Variants in GABBR2 observed in about 807,000 individuals in gnomAD.
The protein encoded by GABBR2 is G-protein coupled receptor 51.
A neutral mutation model predicts 105.6 loss-of-function variants in GABBR2; 23 were observed. The ratio of observed to expected loss-of-function variants is 0.22; its 90% CI spans 0.16 to 0.31. The LOEUF is 0.31. GABBR2 is among the 10% of genes least tolerant of loss of function. The pLI is 1.00. For synonymous variants in GABBR2, 478 were observed against 499.7 expected (o/e 0.96, Z 0.58); for missense variants, 734 against 1,245.5 (o/e 0.59, Z 6.18).
At chr9:98,375,919 T>C (rs1388548607) in intron 11 of GABBR2, among the ~76,000 whole-genome samples, 2 of 152,216 alleles carry the variant, frequency 1.3e-5, no homozygotes, top group Admixed American at 1.3e-4. Flanking sequence ...TTACCACCAA[T>C]ACAAGTCTCT....
intron 17 of GABBR2, among the ~76,000 whole-genome samples, chr9:98,298,293 T>C (rs1830414128): frequency 6.6e-6 from 1 of 152,196 alleles, no homozygotes; most frequent in Non-Finnish European, 1.5e-5. Flanking sequence ...TTTTAATAGC[T>C]ATAAAATGTG....
intron 1 of GABBR2, among the ~76,000 whole-genome samples, chr9:98,676,963 C>A (rs1437233987): frequency 6.6e-6 from 1 of 152,178 alleles, no homozygotes; most frequent in African/African-American, 2.4e-5. Context: ...TCTGTGGGCA[C>A]AGAAGTCTCT....
intron 2 of GABBR2, among the ~76,000 whole-genome samples, chr9:98,553,080 C>T (rs904965137): frequency 6.6e-5 from 10 of 151,700 alleles, no homozygotes; most frequent in Non-Finnish European, 1.0e-4. Context: ...ACAGGGGTCT[C>T]GCTATTTTGC....
chr9:98,324,481 G>C (rs1049269152), intron 13 of GABBR2, among the ~76,000 whole-genome samples: 15 of 142,316 alleles, frequency 1.1e-4, no homozygotes, highest in African/African-American at 4.0e-4. Context: ...TAAGACAAAA[G>C]ACTACAGAGC....
At chr9:98,602,836 C>T (rs1465783127) in intron 1 of GABBR2, among the ~76,000 whole-genome samples, 3 of 152,220 alleles carry the variant, frequency 2.0e-5, no homozygotes, top group African/African-American at 7.2e-5. Flanking sequence ...TCACTGGATT[C>T]CACAACGTGG....
At chr9:98,655,839 A>G (rs1294433914) in intron 1 of GABBR2, among the ~76,000 whole-genome samples, 1 of 152,094 alleles carries the variant, frequency 6.6e-6, no homozygotes, top group Non-Finnish European at 1.5e-5. Context: ...CCTTTTGGGG[A>G]TGGGGGGCTA....
At position 98,673,221 on chromosome 9, in the gene GABBR2, C is replaced by T. The variant is rs183723258; in HGVS notation, c.321+35196G>A. On this transcript the variant is annotated intron_variant, in intron 1 of 18. Transcript: ENST00000259455. ...TGTGCATCTTAGAATCAAGAAGACC[C>T]GGTGCATATAGAGAGGCAAAAGGAA... Among the ~76,000 whole-genome samples the T allele has an allele frequency of 3.5e-4, 53 of 152,164 alleles. 3 individuals carry two copies. The South Asian group carries it at 8.3e-3, about 24-fold the overall frequency.
At chr9:98,318,028 C>T (rs183966111) in intron 13 of GABBR2, among the ~76,000 whole-genome samples, 3 of 152,200 alleles carry the variant, frequency 2.0e-5, no homozygotes, top group East Asian at 1.9e-4. Flanking sequence ...GGGAAGAGCA[C>T]GCATGGCAGA....
At chr9:98,587,930 C>A (rs141122280) in intron 1 of GABBR2, among the ~76,000 whole-genome samples, 6 of 152,210 alleles carry the variant, frequency 3.9e-5, no homozygotes, top group African/African-American at 1.4e-4. Context: ...ATAATGATCT[C>A]ATTTTATAAA....
chr9:98,705,751 T>C (rs776951940), intron 1 of GABBR2, among the ~76,000 whole-genome samples: 1 of 152,176 alleles, frequency 6.6e-6, no homozygotes, highest in African/African-American at 2.4e-5. Flanking sequence ...ACTTTAAAGA[T>C]AAGGCCACTT....
intron 1 of GABBR2, among the ~76,000 whole-genome samples, chr9:98,632,509 G>A (rs1222716477): frequency 1.3e-5 from 2 of 152,174 alleles, no homozygotes; most frequent in Non-Finnish European, 2.9e-5. Flanking sequence ...TCAATATTGA[G>A]TATGGTGAGA....
intron 13 of GABBR2, among the ~76,000 whole-genome samples, chr9:98,359,512 A>T (rs1203702486): frequency 1.3e-5 from 2 of 152,228 alleles, no homozygotes; most frequent in Non-Finnish European, 2.9e-5. Flanking sequence ...GGCTGCCCCC[A>T]GTAGGCCTCT....
At chr9:98,373,106 G>A (rs968078632) in intron 11 of GABBR2, among the ~76,000 whole-genome samples, 1 of 152,060 alleles carries the variant, frequency 6.6e-6, no homozygotes, top group Non-Finnish European at 1.5e-5. Context: ...ACAAAACAGG[G>A]AGGGGGAAAG....
At chr9:98,576,525 A>G (rs541748355) in intron 2 of GABBR2, among the ~76,000 whole-genome samples, 1 of 152,232 alleles carries the variant, frequency 6.6e-6, no homozygotes, top group East Asian at 1.9e-4. Flanking sequence ...CTACAGTCTT[A>G]TCTTAAGGGC....
At chr9:98,569,784 G>T (rs988661096) in intron 2 of GABBR2, among the ~76,000 whole-genome samples, 13 of 152,094 alleles carry the variant, frequency 8.5e-5, no homozygotes, top group Admixed American at 2.6e-4. Flanking sequence ...TACGACCTCT[G>T]CCATTCCATG....
At chr9:98,359,774 C>T (rs566540360) in intron 13 of GABBR2, among the ~76,000 whole-genome samples, 37 of 152,304 alleles carry the variant, frequency 2.4e-4, no homozygotes, top group African/African-American at 8.2e-4. Flanking sequence ...CCGGCCGTGG[C>T]GTGCTTGCTG....
intron 8 of GABBR2, among the ~76,000 whole-genome samples, chr9:98,400,794 G>A (rs1191162394): frequency 6.6e-6 from 1 of 152,178 alleles, no homozygotes; most frequent in Admixed American, 6.5e-5. Flanking sequence ...TAAGCCAGTG[G>A]CACTGATGTA....
intron 7 of GABBR2, among the ~76,000 whole-genome samples, chr9:98,421,344 C>T (rs963065064): frequency 5.3e-5 from 8 of 150,032 alleles, no homozygotes; most frequent in South Asian, 2.1e-4. Flanking sequence ...GTGTAAAAAT[C>T]GACGAGGAAC....
chr9:98,567,706 G>A (rs954045667), intron 2 of GABBR2, among the ~76,000 whole-genome samples: 3 of 152,298 alleles, frequency 2.0e-5, no homozygotes, highest in East Asian at 1.9e-4. Flanking sequence ...AAGGGTGGAC[G>A]GGATTACCTC....
Sources: gnomAD v4.1 joint callset for allele counts (sites outside exome capture counted in the v4.1 genomes callset) on GRCh38, gnomAD v4.1.1 for gene constraint, MANE v1.5 for transcripts, NCBI Gene and HGNC (gene_info 2026-07-23, HGNC 2026-07-21) for gene names.